The following CFAP47 variants were observed in gnomAD, a reference collection of about 807,000 sequenced individuals.
CFAP47 encodes the protein cilia- and flagella-associated protein 47.
In CFAP47, 29 loss-of-function variants were observed where a neutral mutation model predicts 148.1. The ratio of observed to expected loss-of-function variants is 0.20; its 90% CI spans 0.15 to 0.27. CFAP47 has a LOEUF of 0.27. Ranked by LOEUF, CFAP47 falls within the 10% of genes least tolerant of loss-of-function variation. The probability of loss-of-function intolerance (pLI) is 1.00; values close to 1 mark genes in which losing one functional copy is unlikely to be tolerated. For synonymous variants in CFAP47, 664 were observed against 577.3 expected (o/e 1.15, Z -2.15); for missense variants, 1,872 against 1,697.5 (o/e 1.10, Z -1.81).
intron 22 of CFAP47, among the ~76,000 whole-genome samples, chrX:36,027,085 CAT>C (rs1414775877): frequency 3.0e-5 from 3 of 100,115 alleles, no homozygotes; most frequent in African/African-American, 1.1e-4. Context: ...AATCTGTCAT[CAT>C]ATATATATAT....
chrX:36,011,897 T>C (rs1013318667), intron 21 of CFAP47, among the ~76,000 whole-genome samples: 35 of 112,035 alleles, frequency 3.1e-4, no homozygotes, highest in African/African-American at 1.1e-3. Context: ...TGCAATCGCT[T>C]TTGGTGTTTT....
At chrX:36,299,245 A>G (rs1941274694) in intron 52 of CFAP47, 93 bp downstream of exon 52, 1 of 510,858 alleles carries the variant, frequency 2.0e-6, no homozygotes, top group Non-Finnish European at 2.9e-6. Flanking sequence ...CATTAAAATT[A>G]CACTTGCTCA....
At chrX:36,082,350 T>C (rs1238771947) in intron 29 of CFAP47, among the ~76,000 whole-genome samples, 1 of 111,630 alleles carries the variant, frequency 9.0e-6, no homozygotes, top group East Asian at 2.8e-4. Flanking sequence ...TTTTTTGCTC[T>C]TCCCCTAATC....
At chrX:36,351,782 C>CA (rs1941745014) in intron 59 of CFAP47, among the ~76,000 whole-genome samples, 1 of 111,382 alleles carries the variant, frequency 9.0e-6, no homozygotes, top group Non-Finnish European at 1.9e-5. Flanking sequence ...TCATTTTCCC[C>CA]AAAATCTAAA....
intron 2 of CFAP47, among the ~76,000 whole-genome samples, chrX:35,937,224 G>C (rs6632410): frequency 9.7e-6 from 1 of 103,430 alleles, no homozygotes; most frequent in African/African-American, 3.5e-5. Context: ...GCCTGGAGTA[G>C]AAGGAGAGTG....
chrX:36,308,015 C>A, intron 55 of CFAP47, among the ~76,000 whole-genome samples: 2 of 111,441 alleles, frequency 1.8e-5, no homozygotes, highest in Middle Eastern at 9.3e-3. Context: ...TAAGCGATTG[C>A]TGCATAGCAG....
At chrX:36,149,613 T>TTTA (rs1356188317) in intron 37 of CFAP47, among the ~76,000 whole-genome samples, 1 of 51,719 alleles carries the variant, frequency 1.9e-5, no homozygotes, top group African/African-American at 2.0e-4. Context: ...TATTTATTTA[T>TTTA]TTTATTTTTT....
intron 16 of CFAP47, chrX:35,989,703 G>A: frequency 1.4e-6 from 1 of 711,470 alleles, no homozygotes; most frequent in Non-Finnish European, 1.9e-6. Context: ...AATGTGAGTA[G>A]AGGGAAAGCT....
At chrX:36,180,672 C>G (rs1045514935) in intron 40 of CFAP47, among the ~76,000 whole-genome samples, 2 of 112,034 alleles carry the variant, frequency 1.8e-5, no homozygotes, top group African/African-American at 3.2e-5. Flanking sequence ...TGAGTTGCAT[C>G]TATTATGAGA....
rs1435868706 is a variant in CFAP47, at chrX:36,091,495, G to A, written c.4916+5957G>A. Among the ~76,000 whole-genome samples, 3 of 111,585 alleles carry A rather than the reference G, an allele frequency of 2.7e-5. No homozygotes were observed. In the East Asian group the frequency reaches 8.5e-4, roughly 31 times the overall value. On this transcript the variant is annotated intron_variant, in intron 30 of 63. Transcript: ENST00000378653. ...CATAGGCTGTCGGTTGGCTAATCTT[G>A]CTGAGGAGTGGTGTTACGTAAAATT...
In CFAP47 at chrX:36,109,151, T is replaced by C. The variant is rs149407534; in HGVS notation, c.5320+4460T>C. Among the ~76,000 whole-genome samples the C allele has an allele frequency of 2.1e-4, 24 of 112,374 alleles. 1 individual carries two copies. In the East Asian group the frequency reaches 3.7e-3, roughly 17 times the overall value. ...CATTCTTTCTTCTGGCTACATATTA[T>C]TCCATGGTGTGTATGTGCCATGTTT... On this transcript the variant is annotated intron_variant, in intron 33 of 63. Coordinates refer to ENST00000378653, the MANE Select transcript of CFAP47 (RefSeq NM_001304548.2).
At chrX:36,037,950 T>C (rs746362434) in intron 24 of CFAP47, among the ~76,000 whole-genome samples, 1 of 111,647 alleles carries the variant, frequency 9.0e-6, no homozygotes, top group Non-Finnish European at 1.9e-5. Flanking sequence ...CAGTACTCAT[T>C]TGTCATTATT....
chrX:36,248,775 G>A (rs1050576572), intron 48 of CFAP47, among the ~76,000 whole-genome samples: 3 of 110,649 alleles, frequency 2.7e-5, no homozygotes, highest in Non-Finnish European at 3.8e-5. Context: ...GATAGACTAT[G>A]TCTTATAGCA....
chrX:36,180,198 A>C (rs1235350723), intron 40 of CFAP47, among the ~76,000 whole-genome samples: 1 of 111,619 alleles, frequency 9.0e-6, no homozygotes, highest in East Asian at 2.8e-4. Flanking sequence ...CTACTTTATG[A>C]GGGCTATATT....
intron 57 of CFAP47, among the ~76,000 whole-genome samples, chrX:36,338,669 T>C (rs140933968): frequency 0.042 from 4,729 of 111,819 alleles, 235 homozygotes; most frequent in African/African-American, 0.15. Context: ...ATCTTCTCTT[T>C]TCATTTCTAT....
At chrX:36,022,099 A>G (rs947520699) in intron 22 of CFAP47, 2 of 111,188 alleles carry the variant, frequency 1.8e-5, no homozygotes, top group African/African-American at 6.6e-5. Flanking sequence ...ATGACTTCTT[A>G]CTGCCAATTA....
At chrX:35,979,199 G>A (rs1265384953) in intron 15 of CFAP47, among the ~76,000 whole-genome samples, 3 of 110,434 alleles carry the variant, frequency 2.7e-5, no homozygotes, top group African/African-American at 6.6e-5. Flanking sequence ...GGCTGGTCTC[G>A]GACTCCTGAC....
At chrX:36,077,111 A>G (rs1407766135) in intron 29 of CFAP47, among the ~76,000 whole-genome samples, 1 of 97,707 alleles carries the variant, frequency 1.0e-5, no homozygotes, top group African/African-American at 3.8e-5. Context: ...CTGTTTTTAT[A>G]CCAGTACCAT....
chrX:36,271,615 A>G lies in CFAP47; in HGVS notation c.7445-8872A>G, dbSNP rs1940960122. On this transcript the variant is annotated intron_variant, in intron 49 of 63. Transcript: ENST00000378653. ...TGCATATTATGAAAAAAATCTATTC[A>G]TGGATTTCAAAATACTTTTTGCACC... Among the ~76,000 whole-genome samples, 5 of 112,041 alleles carry G rather than the reference A, an allele frequency of 4.5e-5. No homozygotes were observed. The South Asian group carries it at 1.8e-3, about 41-fold the overall frequency.
Sources: gnomAD v4.1 joint callset for allele counts (sites outside exome capture counted in the v4.1 genomes callset) on GRCh38, gnomAD v4.1.1 for gene constraint, MANE v1.5 for transcripts, NCBI Gene and HGNC (gene_info 2026-07-23, HGNC 2026-07-21) for gene names.